PDSS2: variants seen among roughly 807,000 people sequenced by gnomAD.
PDSS2 encodes all trans-polyprenyl-diphosphate synthase PDSS2.
Under a neutral mutation model 44.5 loss-of-function variants are expected in PDSS2, and 31 were observed. The ratio of observed to expected loss-of-function variants is 0.70; its 90% CI spans 0.52 to 0.94. The LOEUF (loss-of-function observed/expected upper bound fraction) is 0.94. Ranked by LOEUF, PDSS2 falls within the 40% of genes least tolerant of loss-of-function variation. The probability of loss-of-function intolerance (pLI) is 0.00; values close to 1 mark genes in which losing one functional copy is unlikely to be tolerated. For missense variants in PDSS2, 452 were observed against 482.2 expected (o/e 0.94, Z 0.59); for synonymous variants, 157 against 180.3 (o/e 0.87, Z 1.03).
At chr6:107,277,088 C>G (rs1157266449) in intron 2 of PDSS2, among the ~76,000 whole-genome samples, 1 of 152,226 alleles carries the variant, frequency 6.6e-6, no homozygotes, top group Non-Finnish European at 1.5e-5. Flanking sequence ...AATCCCCAAT[C>G]TATTTCTACT....
intron 2 of PDSS2, among the ~76,000 whole-genome samples, chr6:107,323,326 G>A (rs150485777): frequency 2.4e-4 from 37 of 152,250 alleles, no homozygotes; most frequent in African/African-American, 8.9e-4. Context: ...GAAATATTCA[G>A]TGTCTTTCAG....
intron 1 of PDSS2, among the ~76,000 whole-genome samples, chr6:107,448,996 G>A (rs532145183): frequency 2.6e-5 from 4 of 152,186 alleles, no homozygotes; most frequent in African/African-American, 7.2e-5. Flanking sequence ...TCCCTCCCAC[G>A]TGGGGATTAT....
At chr6:107,425,080 C>T (rs319099) in intron 1 of PDSS2, among the ~76,000 whole-genome samples, 107,061 of 152,026 alleles carry the variant, frequency 0.7, 38,417 homozygotes, top group Middle Eastern at 0.79. Flanking sequence ...CATCCATGTA[C>T]GATGTGCCTT....
intron 6 of PDSS2, among the ~76,000 whole-genome samples, chr6:107,198,808 A>G (rs1772656347): frequency 1.3e-5 from 1 of 76,876 alleles, no homozygotes; most frequent in South Asian, 4.5e-4. Context: ...AATAACAACA[A>G]CAACAACAAC....
intron 1 of PDSS2, among the ~76,000 whole-genome samples, chr6:107,427,301 C>A (rs1460740463): frequency 6.6e-6 from 1 of 152,172 alleles, no homozygotes; most frequent in East Asian, 1.9e-4. Context: ...GTGACTTGCT[C>A]CTCCCTGCCT....
chr6:107,162,610 A>ATTTTTTTTTTTTTTTT lies in PDSS2; in HGVS notation c.1042-7834_1042-7833insAAAAAAAAAAAAAAAA, dbSNP rs71012782. On this transcript the variant is annotated intron_variant, in intron 7 of 7. Coordinates refer to ENST00000369037, the MANE Select transcript of PDSS2 (RefSeq NM_020381.4). ...TTTTTATTTTGTCAAGAATTCCCTA[A>ATTTTTTTTTTTTTTTT]TTTTTTTTTTTTTTTGAGATGGAGT... Among the ~76,000 whole-genome samples, 136 of 115,546 alleles carry ATTTTTTTTTTTTTTTT rather than the reference A, an allele frequency of 1.2e-3. 4 individuals are homozygous for ATTTTTTTTTTTTTTTT. The highest frequency in any genetic ancestry group is 1.5e-3 in the African/African-American group (44 of 28,666). The allele number at this position is 115,546 out of a possible 152,430, so 75.8% of individuals were successfully genotyped here.
chr6:107,367,552 GGC>G lies in PDSS2; in HGVS notation c.297-33222_297-33221del, dbSNP rs1156784488. On this transcript the variant is annotated intron_variant, in intron 1 of 7. Transcript: ENST00000369037. ...TAATCTCAGCACTTTGGGAGGCTGA[GGC>G]AGGTGGATCACTTCAGGTCAGGAGT... is the stretch of plus-strand genomic sequence containing the variant. Among the ~76,000 whole-genome samples the G allele has an allele frequency of 2.0e-5, 3 of 152,180 alleles. No homozygotes were observed. In the East Asian group the frequency reaches 5.8e-4, roughly 29 times the overall value.
chr6:107,220,923 GTT>G (rs1773581350), intron 4 of PDSS2, among the ~76,000 whole-genome samples: 1 of 152,152 alleles, frequency 6.6e-6, no homozygotes, highest in African/African-American at 2.4e-5. Context: ...TAAAGGAAAA[GTT>G]AGTATAAATT....
chr6:107,454,283 A>G (rs1781965306), intron 1 of PDSS2, among the ~76,000 whole-genome samples: 1 of 152,070 alleles, frequency 6.6e-6, no homozygotes, highest in African/African-American at 2.4e-5. Flanking sequence ...CCTGAGCTCA[A>G]GCAATCTGCC....
intron 3 of PDSS2, among the ~76,000 whole-genome samples, chr6:107,247,939 A>C (rs1216704635): frequency 6.6e-6 from 1 of 151,590 alleles, no homozygotes; most frequent in Non-Finnish European, 1.5e-5. Flanking sequence ...GAATTGCTTG[A>C]ACCCAGGAGG....
At chr6:107,309,695 A>G (rs1425067230) in intron 2 of PDSS2, among the ~76,000 whole-genome samples, 1 of 152,168 alleles carries the variant, frequency 6.6e-6, no homozygotes, top group African/African-American at 2.4e-5. Flanking sequence ...AACACATGCA[A>G]TTCCATTTCT....
intron 7 of PDSS2, chr6:107,192,486 C>A (rs1288715928): frequency 1.2e-5 from 5 of 408,382 alleles, no homozygotes; most frequent in Admixed American, 1.2e-4. Context: ...AGCCAGAGAC[C>A]AAGTTATTTG....
intron 1 of PDSS2, among the ~76,000 whole-genome samples, chr6:107,415,388 T>G (rs1780626320): frequency 6.6e-6 from 1 of 152,094 alleles, no homozygotes; most frequent in Non-Finnish European, 1.5e-5. Context: ...AGCTACAGAT[T>G]ATAGGCACAG....
At chr6:107,344,257 C>T (rs527966812) in intron 1 of PDSS2, among the ~76,000 whole-genome samples, 1 of 151,974 alleles carries the variant, frequency 6.6e-6, no homozygotes, top group East Asian at 1.9e-4. Context: ...GAAAAAAACA[C>T]TCCATGAAAA....
chr6:107,419,602 GAAAT>G (rs1399357627), intron 1 of PDSS2, among the ~76,000 whole-genome samples: 2 of 152,150 alleles, frequency 1.3e-5, no homozygotes, highest in Non-Finnish European at 2.9e-5. Context: ...CTAGCCAAGA[GAAAT>G]AATCCATCAA....
At position 107,154,625 on chromosome 6, in the gene PDSS2, A is replaced by C. The variant is rs74325037; in HGVS notation, c.1194T>G (p.Phe398Leu). ...LENIVFAVTRFS is the reference protein window; with the variant it reads ...LENIVFAVTRLS The stretch of plus-strand genomic sequence containing the variant: ...GTGTCTTTTTAATTTGATGTCATGA[A>C]AATCTGGTCACAGCAAACACAATGT... Residue 398 changes from phenylalanine (F) to leucine (L), a missense_variant, in exon 8 of 8, where the codon TTT becomes TTG. Transcript: ENST00000369037. 198 of 1,614,144 alleles carry C rather than the reference A, an allele frequency of 1.2e-4. 1 individual carries two copies. In the East Asian group the frequency reaches 4.2e-3, roughly 35 times the overall value.
chr6:107,377,092 T>TG (rs1384446367), intron 1 of PDSS2, among the ~76,000 whole-genome samples: 2 of 145,122 alleles, frequency 1.4e-5, no homozygotes, highest in African/African-American at 2.6e-5. Flanking sequence ...ACCATCAGAG[T>TG]GAACAGGCAA....
intron 4 of PDSS2, among the ~76,000 whole-genome samples, chr6:107,233,769 C>T (rs189915142): frequency 6.6e-6 from 1 of 152,172 alleles, no homozygotes; most frequent in African/African-American, 2.4e-5. Context: ...GCTATGATTG[C>T]ATCACTGCAC....
At chr6:107,211,458 G>C (rs1052769246) in intron 5 of PDSS2, among the ~76,000 whole-genome samples, 1 of 151,924 alleles carries the variant, frequency 6.6e-6, no homozygotes, top group Non-Finnish European at 1.5e-5. Context: ...GGGGCCAGGC[G>C]TGGTGGCTCA....
Sources: allele counts gnomAD v4.1 joint callset (sites outside exome capture counted in the v4.1 genomes callset), GRCh38; gene constraint gnomAD v4.1.1; transcripts MANE v1.5; gene names NCBI Gene and HGNC (gene_info 2026-07-23, HGNC 2026-07-21).